The following NALF1 variants were observed in gnomAD, a reference collection of about 807,000 sequenced individuals.
NALF1 encodes family with sequence similarity 155 member A.
NALF1 carries 3 observed loss-of-function variants against 48.4 expected under a neutral mutation model. The ratio of observed to expected loss-of-function variants is 0.06; its 90% CI spans 0.03 to 0.16. The LOEUF (loss-of-function observed/expected upper bound fraction) is 0.16, where lower values mean the gene tolerates loss of function less well. NALF1 is among the 10% of genes least tolerant of loss of function. NALF1 has a pLI of 1.00. For synonymous variants in NALF1, 262 were observed against 245.7 expected, an observed-to-expected ratio of 1.07 and a Z score of -0.62; for missense variants, 526 against 571.5, an observed-to-expected ratio of 0.92 and a Z score of 0.81.
At chr13:107,507,471 G>C (rs1875736258) in intron 1 of NALF1, among the ~76,000 whole-genome samples, 1 of 151,520 alleles carries the variant, frequency 6.6e-6, no homozygotes, top group South Asian at 2.1e-4. Flanking sequence ...AAGCAATTGA[G>C]GAAACTTAGG....
At chr13:107,840,881 T>C (rs1006712977) in intron 1 of NALF1, among the ~76,000 whole-genome samples, 2 of 152,242 alleles carry the variant, frequency 1.3e-5, no homozygotes, top group East Asian at 1.9e-4. Flanking sequence ...TATGTTAAGA[T>C]TCTACTCATC....
intron 1 of NALF1, among the ~76,000 whole-genome samples, chr13:107,548,138 T>C (rs756783591): frequency 5.9e-5 from 9 of 152,040 alleles, no homozygotes; most frequent in Middle Eastern, 3.2e-3. Context: ...CCCTCCATCC[T>C]CGAGTAGCCC....
At chr13:107,227,969 G>A (rs1254098207) in intron 1 of NALF1, among the ~76,000 whole-genome samples, 1 of 152,118 alleles carries the variant, frequency 6.6e-6, no homozygotes, top group East Asian at 1.9e-4. Context: ...TAACATATAA[G>A]GAACCAATGA....
Position 107,330,655 on chromosome 13 carries a change from C to T in NALF1, c.916-119900G>A, listed in dbSNP as rs977605150. Among the ~76,000 whole-genome samples, 5 of 152,068 alleles carry T rather than the reference C, an allele frequency of 3.3e-5. 1 individual carries two copies. Among genetic ancestry groups the T allele is most frequent in the South Asian group, 4.1e-4 (2 of 4,822 alleles). ...TCTAGTCCTGTGCATTTTTGCAAGCCGCGGGGCTGTGTCACCATAGTTACA... is the reference window on the plus strand; with the variant it reads ...TCTAGTCCTGTGCATTTTTGCAAGCTGCGGGGCTGTGTCACCATAGTTACA... On this transcript the variant is annotated intron_variant, in intron 1 of 2. Transcript: ENST00000375915.
intron 1 of NALF1, among the ~76,000 whole-genome samples, chr13:107,244,002 C>T (rs1269426690): frequency 6.6e-6 from 1 of 152,194 alleles, no homozygotes; most frequent in Non-Finnish European, 1.5e-5. Flanking sequence ...CTCCTGGACT[C>T]TGCAGAAATT....
intron 1 of NALF1, among the ~76,000 whole-genome samples, chr13:107,830,790 G>A (rs931133743): frequency 9.2e-5 from 14 of 152,262 alleles, no homozygotes; most frequent in South Asian, 2.1e-4. Flanking sequence ...TGCCACTGAC[G>A]CATGTGTGTG....
At chr13:107,554,445 C>T (rs534996560) in intron 1 of NALF1, among the ~76,000 whole-genome samples, 16 of 152,252 alleles carry the variant, frequency 1.1e-4, no homozygotes, top group African/African-American at 3.1e-4. Flanking sequence ...TTAGTCAGTT[C>T]TGCACAAAAC....
At chr13:107,844,507 G>C (rs570190433) in intron 1 of NALF1, among the ~76,000 whole-genome samples, 2 of 152,102 alleles carry the variant, frequency 1.3e-5, no homozygotes, top group African/African-American at 4.8e-5. Context: ...AAGTATAACT[G>C]AATTCAATAT....
chr13:107,649,575 G>C (rs1183264947), intron 1 of NALF1, among the ~76,000 whole-genome samples: 1 of 152,118 alleles, frequency 6.6e-6, no homozygotes, highest in Non-Finnish European at 1.5e-5. Context: ...GGCATATTTA[G>C]TGAATGCTAC....
chr13:107,633,689 T>C (rs1879890981), intron 1 of NALF1, among the ~76,000 whole-genome samples: 1 of 145,736 alleles, frequency 6.9e-6, no homozygotes, highest in Non-Finnish European at 1.5e-5. Context: ...TATACATTTG[T>C]CCAATATTTT....
At chr13:107,723,786 G>C (rs994174338) in intron 1 of NALF1, among the ~76,000 whole-genome samples, 2 of 152,222 alleles carry the variant, frequency 1.3e-5, no homozygotes, top group African/African-American at 4.8e-5. Flanking sequence ...ATAAATCACG[G>C]AGTGAAACTG....
intron 1 of NALF1, among the ~76,000 whole-genome samples, chr13:107,318,330 C>G (rs1882189639): frequency 6.6e-6 from 1 of 152,060 alleles, no homozygotes; most frequent in Admixed American, 6.6e-5. Flanking sequence ...GTATTCGTAT[C>G]TTTTTGCACA....
At chr13:107,850,115 T>C (rs1010848473) in intron 1 of NALF1, among the ~76,000 whole-genome samples, 1 of 152,210 alleles carries the variant, frequency 6.6e-6, no homozygotes, top group Non-Finnish European at 1.5e-5. Flanking sequence ...CTTAGTTTTC[T>C]TATCTGCAAA....
intron 1 of NALF1, among the ~76,000 whole-genome samples, chr13:107,267,724 T>C (rs1881070640): frequency 6.6e-6 from 1 of 152,156 alleles, no homozygotes; most frequent in South Asian, 2.1e-4. Flanking sequence ...TATAACAATA[T>C]GCCAGCCTCA....
At chr13:107,457,893 C>A (rs1375986536) in intron 1 of NALF1, among the ~76,000 whole-genome samples, 1 of 152,160 alleles carries the variant, frequency 6.6e-6, no homozygotes, top group Non-Finnish European at 1.5e-5. Flanking sequence ...CCAGTGCAAA[C>A]AGAGCTGTTG....
chr13:107,663,702 A>G (rs957314908), intron 1 of NALF1, among the ~76,000 whole-genome samples: 7 of 152,174 alleles, frequency 4.6e-5, no homozygotes, highest in Admixed American at 3.9e-4. Flanking sequence ...TGATCTTGAC[A>G]ATGTCATCAC....
chr13:107,352,590 G>A (rs1037300474), intron 1 of NALF1, among the ~76,000 whole-genome samples: 11 of 152,252 alleles, frequency 7.2e-5, no homozygotes, highest in Admixed American at 6.5e-4. Context: ...GATGGCAAGA[G>A]AGCTCTCAAG....
At position 107,866,337 on chromosome 13, in the gene NALF1, CTCTGCTGCTGCTGCTGCTGCT is replaced by C. The variant is rs768888315; in HGVS notation, c.239_259del (p.Gln80_Gln86del). On this transcript the variant is annotated inframe_deletion, in exon 1 of 3. Transcript: ENST00000375915. The surrounding 1 kb of genome is among the most constrained non-coding windows in gnomAD (Gnocchi z 4.4). ...CTGCTGCTGCTGCTGCTGCCGCTGC[CTCTGCTGCTGCTGCTGCTGCT>C]GCTGCTGCCGCTGCTGCTGCTGGTG... is the stretch of plus-strand genomic sequence containing the variant. 7 of 1,608,020 alleles carry C rather than the reference CTCTGCTGCTGCTGCTGCTGCT, an allele frequency of 4.4e-6. No individual in the cohort carries two copies. The highest frequency in any genetic ancestry group is 3.3e-5 in the Admixed American group (2 of 59,824).
chr13:107,268,426 A>T (rs79470057), intron 1 of NALF1, among the ~76,000 whole-genome samples: 2 of 81,380 alleles, frequency 2.5e-5, no homozygotes, highest in Non-Finnish European at 6.5e-5. Context: ...TACAACACCC[A>T]CACACACACA....
Sources: allele counts gnomAD v4.1 joint callset (sites outside exome capture counted in the v4.1 genomes callset), GRCh38; gene constraint gnomAD v4.1.1; non-coding constraint Gnocchi (gnomAD v3.1); transcripts MANE v1.5; gene names NCBI Gene and HGNC (gene_info 2026-07-23, HGNC 2026-07-21).